The following PPFIBP1 variants were observed in gnomAD, a reference collection of about 807,000 sequenced individuals.
PPFIBP1 encodes the protein liprin-beta-1.
Under a neutral mutation model 137.8 loss-of-function variants are expected in PPFIBP1, and 112 were observed. That is an observed-to-expected ratio of 0.81 (90% CI 0.70 to 0.95). PPFIBP1 has a LOEUF of 0.95. Among genes scored for constraint, PPFIBP1 ranks in the 40% least tolerant of loss-of-function variants. The pLI is 0.00. For missense variants in PPFIBP1, 1,083 were observed against 1,196.6 expected, an observed-to-expected ratio of 0.91 and a Z score of 1.40; for synonymous variants, 378 against 417.3, an observed-to-expected ratio of 0.91 and a Z score of 1.15.
At chr12:27,555,097 G>A (rs1459179525) in intron 1 of PPFIBP1, among the ~76,000 whole-genome samples, 1 of 152,160 alleles carries the variant, frequency 6.6e-6, no homozygotes, top group African/African-American at 2.4e-5. Flanking sequence ...AAGCAAACGA[G>A]CCAAGCTGTT....
Position 27,646,154 on chromosome 12 carries a change from T to C in PPFIBP1, c.357+6T>C. 2 of 1,593,578 alleles carry C rather than the reference T, an allele frequency of 1.3e-6. No individual in the cohort carries two copies. Among genetic ancestry groups the C allele is most frequent in the Non-Finnish European group, 1.7e-6 (2 of 1,161,984 alleles). The stretch of plus-strand genomic sequence containing the variant: ...AAGAATCCCTCGTTCTTCAGGCAAG[T>C]GATTTTTAAATACTGTTCTTTCCTT... On this transcript the variant is annotated splice_donor_region_variant and intron_variant, in intron 5 of 29. Coordinates refer to ENST00000228425, the MANE Select transcript of PPFIBP1 (RefSeq NM_003622.4).
chr12:27,623,105 G>A (rs1186976736), intron 2 of PPFIBP1, among the ~76,000 whole-genome samples: 1 of 152,100 alleles, frequency 6.6e-6, no homozygotes, highest in Non-Finnish European at 1.5e-5. Flanking sequence ...CATACATTAG[G>A]TTGGTAGGCC....
chr12:27,556,480 A>G (rs1479780529), intron 1 of PPFIBP1, among the ~76,000 whole-genome samples: 1 of 152,164 alleles, frequency 6.6e-6, no homozygotes, highest in African/African-American at 2.4e-5. Flanking sequence ...TTGCGTTGTT[A>G]GTTATACAGA....
intron 1 of PPFIBP1, among the ~76,000 whole-genome samples, chr12:27,546,387 G>A (rs306665): frequency 0.38 from 58,094 of 151,974 alleles, 11,691 homozygotes; most frequent in African/African-American, 0.48. Context: ...AAATAATAGT[G>A]TGATTTTTGA....
chr12:27,541,071 TC>T (rs1430584151), intron 1 of PPFIBP1, among the ~76,000 whole-genome samples: 1 of 152,202 alleles, frequency 6.6e-6, no homozygotes, highest in Non-Finnish European at 1.5e-5. Flanking sequence ...TCTCCAACTT[TC>T]CTCTGTCTAT....
chr12:27,672,526 A>G (rs901364478), intron 15 of PPFIBP1, 43 bp downstream of exon 15: 20 of 1,411,122 alleles, frequency 1.4e-5, no homozygotes, highest in Non-Finnish European at 1.7e-5. Context: ...GATTGAGGCT[A>G]GAGAAAGAGA....
At position 27,693,936 on chromosome 12, in the gene PPFIBP1, A is replaced by T. The variant is rs1593444625; in HGVS notation, c.*1054A>T. On this transcript the variant is annotated 3_prime_UTR_variant, in exon 30 of 30. Transcript: ENST00000228425. ...TGTGATCTGCCCGCCTCAGCCTCCCAAAGTACTGGGATTATAGGCATGAGC... is the reference window on the plus strand; with the variant it reads ...TGTGATCTGCCCGCCTCAGCCTCCCTAAGTACTGGGATTATAGGCATGAGC... 1 of 152,262 alleles carries T rather than the reference A, an allele frequency of 6.6e-6. No individual in the cohort carries two copies. The highest frequency in any genetic ancestry group is 2.1e-4 in the South Asian group (1 of 4,810). The allele number at this position is 152,262 out of a possible 1,614,324, so 9.4% of individuals were successfully genotyped here.
At chr12:27,545,163 C>T (rs1946097477) in intron 1 of PPFIBP1, among the ~76,000 whole-genome samples, 2 of 148,150 alleles carry the variant, frequency 1.3e-5, no homozygotes, top group Non-Finnish European at 3.0e-5. Context: ...TGTTCTCACT[C>T]ATAAGTGGAA....
Position 27,695,112 on chromosome 12 carries a change from C to T in PPFIBP1, c.*2230C>T, listed in dbSNP as rs2061706873. The stretch of plus-strand genomic sequence containing the variant: ...GGTTGAAAATACCAGGAAACTGTTA[C>T]AGACGCCATTTTTTTTTTTTTTGAG... On this transcript the variant is annotated 3_prime_UTR_variant, in exon 30 of 30. Transcript: ENST00000228425. 1 of 127,248 alleles carries T rather than the reference C, an allele frequency of 7.9e-6. No homozygotes were observed. The highest frequency in any genetic ancestry group is 1.6e-5 in the Non-Finnish European group (1 of 62,308). The allele number at this position is 127,248 out of a possible 1,614,324, so 7.9% of individuals were successfully genotyped here.
intron 1 of PPFIBP1, among the ~76,000 whole-genome samples, chr12:27,557,629 A>C (rs1014231120): frequency 2.0e-5 from 3 of 152,186 alleles, no homozygotes; most frequent in Non-Finnish European, 2.9e-5. Flanking sequence ...TTTAATATAG[A>C]TGTTGGCATG....
At chr12:27,608,885 T>G (rs1355290934) in intron 2 of PPFIBP1, 2 of 201,814 alleles carry the variant, frequency 9.9e-6, no homozygotes, top group African/African-American at 4.8e-5. Flanking sequence ...TTCATTTGTT[T>G]TTTTGTTTTG....
At position 27,647,861 on chromosome 12, in the gene PPFIBP1, A is replaced by G. The variant is rs199881715; in HGVS notation, c.471+19A>G. On this transcript the variant is annotated intron_variant, in intron 6 of 29. Transcript: ENST00000228425. ...GCAGCAGGTATGTGCAGAGGCCAGA[A>G]CCAAGATGGGATTTCCCTGCTGAAC... 3.7e-6 allele frequency: 6 copies of G among 1,600,144 alleles called. No individual in the cohort carries two copies. In the South Asian group the frequency reaches 6.8e-5, roughly 18 times the overall value.
chr12:27,535,040 T>C (rs1261481306), intron 1 of PPFIBP1, among the ~76,000 whole-genome samples: 1 of 152,234 alleles, frequency 6.6e-6, no homozygotes, highest in Non-Finnish European at 1.5e-5. Flanking sequence ...CAGTAAAGGC[T>C]TGTTCAAGTG....
chr12:27,569,361 C>A (rs1208072496), intron 1 of PPFIBP1, among the ~76,000 whole-genome samples: 7 of 152,172 alleles, frequency 4.6e-5, no homozygotes, highest in African/African-American at 1.7e-4. Flanking sequence ...TATTATCTTT[C>A]ATACAACACA....
At chr12:27,669,692 T>C (rs1027721019) in intron 13 of PPFIBP1, among the ~76,000 whole-genome samples, 2 of 152,214 alleles carry the variant, frequency 1.3e-5, no homozygotes, top group Non-Finnish European at 2.9e-5. Context: ...CCAGGATTCA[T>C]CATAAAGATT....
chr12:27,664,259 C>T (rs981405669), intron 11 of PPFIBP1, 103 bp from the exon 12 acceptor site: 10 of 736,118 alleles, frequency 1.4e-5, no homozygotes, highest in Admixed American at 4.8e-5. Context: ...CAGAATCATG[C>T]GTATTCTTTA....
intron 5 of PPFIBP1, among the ~76,000 whole-genome samples, chr12:27,646,489 C>T (rs11833506): frequency 0.57 from 84,968 of 150,124 alleles, 24,378 homozygotes; most frequent in African/African-American, 0.64. Flanking sequence ...AGCAACCCTC[C>T]TACCTCAGCC....
intron 17 of PPFIBP1, among the ~76,000 whole-genome samples, chr12:27,674,735 C>T (rs1033890540): frequency 2.0e-5 from 3 of 151,926 alleles, no homozygotes; most frequent in African/African-American, 7.3e-5. Context: ...GATTATACAC[C>T]CGGTGCCCAT....
At chr12:27,587,059 C>T (rs894076973) in intron 2 of PPFIBP1, among the ~76,000 whole-genome samples, 8 of 152,160 alleles carry the variant, frequency 5.3e-5, no homozygotes, top group African/African-American at 1.7e-4. Flanking sequence ...TGAAATCTTA[C>T]GTGTTCTGTA....
Sources: allele counts gnomAD v4.1 joint callset (sites outside exome capture counted in the v4.1 genomes callset), GRCh38; gene constraint gnomAD v4.1.1; transcripts MANE v1.5; gene names NCBI Gene and HGNC (gene_info 2026-07-23, HGNC 2026-07-21).